Variants in RANBP2 observed in about 807,000 individuals in gnomAD.
RANBP2 encodes the protein E3 SUMO-protein ligase RanBP2.
A neutral mutation model predicts 303.6 loss-of-function variants in RANBP2; 57 were observed. The observed-to-expected ratio is 0.19, with a 90% CI of 0.15 to 0.23. The LOEUF (loss-of-function observed/expected upper bound fraction) is 0.23, where lower values mean the gene tolerates loss of function less well. RANBP2 is among the 10% of genes least tolerant of loss of function. RANBP2 has a pLI of 1.00. For missense variants in RANBP2, 3,138 were observed against 3,780.8 expected, an observed-to-expected ratio of 0.83 and a Z score of 4.46; for synonymous variants, 1,167 against 1,301.5, an observed-to-expected ratio of 0.90 and a Z score of 2.23.
chr2:109,638,013 T>C, the RANBP2 span, among the ~76,000 whole-genome samples: 1 of 152,220 alleles, frequency 6.6e-6, no homozygotes, highest in African/African-American at 2.4e-5. Flanking sequence ...TTCCTTATTC[T>C]GATCACTGTT....
the RANBP2 span, among the ~76,000 whole-genome samples, chr2:109,039,040 A>G: frequency 3.3e-4 from 50 of 152,348 alleles, no homozygotes; most frequent in Middle Eastern, 3.4e-3. Context: ...TGTGATTAAC[A>G]TCTAAATCAG....
the RANBP2 span, among the ~76,000 whole-genome samples, chr2:109,582,953 G>A: frequency 1.3e-5 from 2 of 152,202 alleles, no homozygotes; most frequent in Non-Finnish European, 2.9e-5. Context: ...AATAAATGGT[G>A]CTAGGATAAC....
rs781274567 is a variant in RANBP2, at chr2:108,784,029, C to T, written c.*128C>T. On this transcript the variant is annotated 3_prime_UTR_variant, in exon 29 of 29. Coordinates refer to ENST00000283195, the MANE Select transcript of RANBP2 (RefSeq NM_006267.5). ...CCGATTTACAAATGTAAAATTGCAG[C>T]TTATAGCTGTTGTCACTTTTTAATG... is the stretch of plus-strand genomic sequence containing the variant. 1.1e-6 allele frequency: 1 copy of T among 899,708 alleles called. No homozygotes were observed. The highest frequency in any genetic ancestry group is 1.7e-6 in the Non-Finnish European group (1 of 598,522). The allele number at this position is 899,708 out of a possible 1,614,324, so 55.7% of individuals were successfully genotyped here.
chr2:108,748,465 C>T (rs1354378357), intron 8 of RANBP2, among the ~76,000 whole-genome samples: 5 of 151,204 alleles, frequency 3.3e-5, no homozygotes, highest in Non-Finnish European at 7.4e-5. Context: ...TCATTATCCA[C>T]CCAGCTTGGC....
downstream of RANBP2, among the ~76,000 whole-genome samples, chr2:108,787,236 C>T (rs1679010156): frequency 6.6e-6 from 1 of 152,186 alleles, no homozygotes; most frequent in Non-Finnish European, 1.5e-5. Flanking sequence ...TTTTTAAAAG[C>T]GGCTTATTTC....
the RANBP2 span, among the ~76,000 whole-genome samples, chr2:109,361,645 T>G: frequency 6.6e-6 from 1 of 152,152 alleles, no homozygotes; most frequent in African/African-American, 2.4e-5. Context: ...GGCTAATTTT[T>G]TTGTATTTTT....
chr2:108,943,643 A>C, the RANBP2 span, among the ~76,000 whole-genome samples: 1 of 151,842 alleles, frequency 6.6e-6, no homozygotes, highest in African/African-American at 2.4e-5. Context: ...CAGAGCGAAG[A>C]CTCCGCGTAT....
At chr2:109,022,424 G>C in the RANBP2 span, among the ~76,000 whole-genome samples, 2 of 152,232 alleles carry the variant, frequency 1.3e-5, no homozygotes, top group Non-Finnish European at 2.9e-5. Context: ...TGGGGATCCA[G>C]GTGCTCAGAA....
chr2:109,548,798 AAAAAG>A, the RANBP2 span, among the ~76,000 whole-genome samples: 1 of 148,170 alleles, frequency 6.7e-6, no homozygotes, highest in African/African-American at 2.5e-5. Context: ...AAAAAAAAAA[AAAAAG>A]ACATAATATT....
chr2:108,726,686 G>T (rs1694739540), intron 1 of RANBP2, among the ~76,000 whole-genome samples: 1 of 151,406 alleles, frequency 6.6e-6, no homozygotes. Flanking sequence ...CACAGAGGGG[G>T]ATTTGGCAGG....
chr2:108,821,805 C>T, the RANBP2 span, among the ~76,000 whole-genome samples: 2 of 151,374 alleles, frequency 1.3e-5, no homozygotes, highest in Admixed American at 6.6e-5. Context: ...ATTAGCCGGG[C>T]GTAGTGGTGG....
the RANBP2 span, among the ~76,000 whole-genome samples, chr2:109,438,576 G>T: frequency 0.01 from 1,526 of 152,294 alleles, 31 homozygotes; most frequent in African/African-American, 0.035. Flanking sequence ...AATCAGCTAA[G>T]AATGATTCTT....
chr2:109,240,477 A>C, the RANBP2 span, among the ~76,000 whole-genome samples: 1 of 152,168 alleles, frequency 6.6e-6, no homozygotes, highest in African/African-American at 2.4e-5. Flanking sequence ...GACAAACAAA[A>C]AAACAAACAA....
chr2:109,581,751 C>T, the RANBP2 span, among the ~76,000 whole-genome samples: 1 of 152,010 alleles, frequency 6.6e-6, no homozygotes, highest in Non-Finnish European at 1.5e-5. Flanking sequence ...GAAAGCATTC[C>T]CCTTGAGAAC....
the RANBP2 span, among the ~76,000 whole-genome samples, chr2:109,728,010 T>C: frequency 6.6e-6 from 1 of 152,124 alleles, no homozygotes; most frequent in Non-Finnish European, 1.5e-5. Context: ...TACTGAGGAA[T>C]TGACACTGAC....
the RANBP2 span, among the ~76,000 whole-genome samples, chr2:108,822,025 T>A: frequency 6.6e-6 from 1 of 152,110 alleles, no homozygotes; most frequent in Non-Finnish European, 1.5e-5. Flanking sequence ...CTGATTGGAT[T>A]TAAACAGCCA....
At chr2:109,045,597 C>T in the RANBP2 span, among the ~76,000 whole-genome samples, 1 of 152,130 alleles carries the variant, frequency 6.6e-6, no homozygotes, top group African/African-American at 2.4e-5. Flanking sequence ...CCCAGGACCA[C>T]GTGTAAGGGG....
chr2:109,764,044 TACTC>T, the RANBP2 span, among the ~76,000 whole-genome samples: 1 of 145,724 alleles, frequency 6.9e-6, no homozygotes, highest in Non-Finnish European at 1.5e-5. Context: ...CATCCATACT[TACTC>T]TTCAGGATGG....
the RANBP2 span, among the ~76,000 whole-genome samples, chr2:109,714,130 GA>G: frequency 6.6e-6 from 1 of 152,104 alleles, no homozygotes; most frequent in Non-Finnish European, 1.5e-5. Flanking sequence ...ACCCAGGTTA[GA>G]GTACAGTGGC....
Sources: allele counts gnomAD v4.1 joint callset (sites outside exome capture counted in the v4.1 genomes callset), GRCh38; gene constraint gnomAD v4.1.1; transcripts MANE v1.5; gene names NCBI Gene and HGNC (gene_info 2026-07-23, HGNC 2026-07-21).